POMT1: variants seen among roughly 807,000 people sequenced by gnomAD.
POMT1 encodes protein O-mannosyl-transferase 1.
POMT1 carries 85 observed loss-of-function variants against 101.6 expected under a neutral mutation model. The ratio of observed to expected loss-of-function variants is 0.84; its 90% confidence interval spans 0.70 to 1.00. The LOEUF (loss-of-function observed/expected upper bound fraction) is 1.00, where lower values mean the gene tolerates loss of function less well. Among genes scored for constraint, POMT1 ranks in the 50% least tolerant of loss-of-function variants. The pLI is 0.00. For synonymous variants in POMT1, 371 were observed against 383.0 expected (o/e 0.97, Z 0.37); for missense variants, 857 against 930.4 (o/e 0.92, Z 1.03).
chr9:131,519,974 G>T lies in POMT1; in HGVS notation c.1585-106G>T. 1.2e-6 allele frequency: 1 copy of T among 818,498 alleles called. No homozygotes were observed. 50.7% of individuals were successfully genotyped at this position (818,498 alleles called of 1,614,324 possible). A position where few individuals can be genotyped will look rare whatever the true frequency, so the allele number is the denominator to read the frequency against. On this transcript the variant is annotated intron_variant, in intron 16 of 19. Transcript: ENST00000402686. This position sits in a 1 kb window ranked among gnomAD's most constrained non-coding sequence, Gnocchi z 4.3. ...TGCATGATCCGAATGAACTTGAGCT[G>T]GGCCAGTCCACGTGCAAGGGGCAGC...
At chr9:131,512,692 A>G (rs1195956041) in intron 11 of POMT1, among the ~76,000 whole-genome samples, 3 of 151,678 alleles carry the variant, frequency 2.0e-5, no homozygotes, top group East Asian at 1.9e-4. Context: ...GCTCACTGCA[A>G]CCTCCGCTTC....
intron 5 of POMT1, 70 bp downstream of exon 5, chr9:131,507,584 A>C: frequency 6.2e-7 from 1 of 1,603,008 alleles, no homozygotes; most frequent in South Asian, 1.1e-5. Context: ...CCGGAAGATC[A>C]CATGGGCTTG....
At chr9:131,504,785 G>GTGTA (rs1945401002) in intron 2 of POMT1, among the ~76,000 whole-genome samples, 5 of 151,110 alleles carry the variant, frequency 3.3e-5, no homozygotes, top group Non-Finnish European at 5.9e-5. Context: ...GTGTGTGTGT[G>GTGTA]TGTGTGTTTT....
Position 131,510,321 on chromosome 9 carries a change from T to C in POMT1, c.761T>C (p.Leu254Pro). The C allele has an allele frequency of 1.2e-6, 2 of 1,614,240 alleles. No individual in the cohort carries two copies. Among genetic ancestry groups the C allele is most frequent in the Non-Finnish European group, 1.7e-6 (2 of 1,180,032 alleles). Residue 254 changes from leucine to proline, a missense_variant, in exon 9 of 20, where the codon CTG (leucine) becomes CCG (proline). Coordinates refer to ENST00000402686, the MANE Select transcript of POMT1 (RefSeq NM_001077365.2). ...AVALLVIPVV[L>P]YLLFFYVHLI... ...GCTTTGCTGGTCATCCCGGTCGTCC[T>C]GTACTTACTGTTCTTCTACGTCCAC...
At chr9:131,513,377 T>G (rs1021494409) in intron 12 of POMT1, 46 bp downstream of exon 12, 25 of 1,550,508 alleles carry the variant, frequency 1.6e-5, no homozygotes, top group Non-Finnish European at 2.2e-5. Context: ...GGGTTTCCTC[T>G]GTGGTTCTCT....
At chr9:131,513,441 C>A in intron 12 of POMT1, 110 bp downstream of exon 12, 1 of 984,546 alleles carries the variant, frequency 1.0e-6, no homozygotes, top group Non-Finnish European at 1.6e-6. Context: ...GTCTACCCAT[C>A]ATCTGCATGT....
intron 13 of POMT1, among the ~76,000 whole-genome samples, chr9:131,516,266 TTCCTCACACGGAACACC>T (rs1948570537): frequency 7.2e-6 from 1 of 137,974 alleles, no homozygotes; most frequent in South Asian, 2.2e-4. Context: ...CACGGAACAC[TTCCTCACACGGAACACC>T]TCCTCACACG....
intron 18 of POMT1, 69 bp downstream of exon 18, chr9:131,521,541 G>A: frequency 6.4e-7 from 1 of 1,566,012 alleles, no homozygotes; most frequent in Non-Finnish European, 8.8e-7. Flanking sequence ...TGTTGTCCAG[G>A]GTGTTCTTGA....
rs1945089800 is a variant in POMT1, at chr9:131,503,701, C to T, written c.-30-488C>T. On this transcript the variant is annotated intron_variant, in intron 1 of 19. Transcript: ENST00000402686. The surrounding 1 kb of genome is among the most constrained non-coding windows in gnomAD (Gnocchi z 4.4). ...AAGGGAGCACCCGGGGATGATGTGC[C>T]GCTGGGATAGAAGGCAGGGAGGCAC... Among the ~76,000 whole-genome samples the T allele has an allele frequency of 2.0e-5, 3 of 152,110 alleles. No homozygotes were observed. The highest frequency in any genetic ancestry group is 7.2e-5 in the African/African-American group (3 of 41,418).
At position 131,518,550 on chromosome 9, in the gene POMT1, TCCGTGGCTTGGCCTGTCCTGAGCTGTGG is replaced by T; in HGVS notation, c.1365+14_1365+41del. ...CGCTGTCTTAAAGGTAAGGACACTG[TCCGTGGCTTGGCCTGTCCTGAGCTGTGG>T]GCTCCAGTCTGTTTCCCAAGCCCCT... On this transcript the variant is annotated intron_variant, in intron 14 of 19. Coordinates refer to ENST00000402686, the MANE Select transcript of POMT1 (RefSeq NM_001077365.2). 2.5e-6 allele frequency: 4 copies of T among 1,610,062 alleles called. No individual in the cohort carries two copies. The highest frequency in any genetic ancestry group is 3.4e-6 in the Non-Finnish European group (4 of 1,176,620).
In POMT1 at chr9:131,520,352, A is replaced by G. The variant is rs540917228; in HGVS notation, c.1698+159A>G. On this transcript the variant is annotated intron_variant, in intron 17 of 19. Coordinates refer to ENST00000402686, the MANE Select transcript of POMT1 (RefSeq NM_001077365.2). ...CTTGGTTTTCTCTAAACGCTTTGGC[A>G]ACCTGGAGCCAGGAGTAGGGGTGTG... Among the ~76,000 whole-genome samples, 3 of 152,352 alleles carry G rather than the reference A, an allele frequency of 2.0e-5. No homozygotes were observed. In the East Asian group the frequency reaches 5.8e-4, roughly 29 times the overall value.
intron 9 of POMT1, chr9:131,510,793 A>G (rs1186019254): frequency 2.9e-6 from 1 of 346,192 alleles, no homozygotes; most frequent in Non-Finnish European, 5.6e-6. Flanking sequence ...GGCGTGAGCC[A>G]CCGCGCCTGG....
chr9:131,513,026 G>A (rs1314703080), intron 11 of POMT1, among the ~76,000 whole-genome samples: 3 of 152,226 alleles, frequency 2.0e-5, no homozygotes, highest in Admixed American at 6.5e-5. Flanking sequence ...TGTGATGACC[G>A]CGGGTAGAAT....
At chr9:131,520,049 C>G in intron 16 of POMT1, 31 bp from the exon 17 acceptor site, 1 of 1,582,118 alleles carries the variant, frequency 6.3e-7, no homozygotes, top group Non-Finnish European at 8.7e-7. Flanking sequence ...ATCCCCCATC[C>G]TCAATCTCAG....
chr9:131,507,171 G>A (rs1160520033), intron 4 of POMT1, among the ~76,000 whole-genome samples, 197 bp from the exon 5 acceptor site: 1 of 152,162 alleles, frequency 6.6e-6, no homozygotes, highest in Non-Finnish European at 1.5e-5. Context: ...ATGAGATCGG[G>A]TTCCATGACT....
rs753231001 is a variant in POMT1 at position 131,509,919 on chromosome 9, G to T, written c.622G>T (p.Val208Leu). ...SCAVGIKYMG[V>L]FTYVLVLGVA... is the part of the protein sequence containing the mutation. ...TCTTTGCAGCATCAAGTACATGGGT[G>T]TGTTCACGTACGTGCTCGTGCTGGG... is the stretch of plus-strand genomic sequence containing the variant. The change falls in exon 8 of 20, where the codon GTG becomes TTG. Residue 208 changes from valine (V) to leucine (L), a missense_variant. Val to Leu is a conservative substitution (Grantham distance 32). Transcript: ENST00000402686. The T allele has an allele frequency of 1.2e-6, 2 of 1,614,100 alleles. No homozygotes were observed. Among genetic ancestry groups the T allele is most frequent in the African/African-American group, 2.7e-5 (2 of 74,934 alleles).
rs550676480 is a variant in POMT1, at chr9:131,522,346, G to A, written c.2003+122G>A. 7 of 1,517,642 alleles carry A rather than the reference G, an allele frequency of 4.6e-6. No homozygotes were observed. Among genetic ancestry groups the A allele is most frequent in the Middle Eastern group, 1.8e-4 (1 of 5,542 alleles). The allele number at this position is 1,517,642 out of a possible 1,614,324, so 94.0% of individuals were successfully genotyped here. On this transcript the variant is annotated intron_variant, in intron 19 of 19. Transcript: ENST00000402686. The surrounding 1 kb of genome is among the most constrained non-coding windows in gnomAD (Gnocchi z 5.5). ...ATTTCACGTTACACTGACATCCTCCGGGTCCCTCCGGGGAATGGGTGAGGT... is the reference window on the plus strand; with the variant it reads ...ATTTCACGTTACACTGACATCCTCCAGGTCCCTCCGGGGAATGGGTGAGGT...
At chr9:131,510,104 A>G in intron 8 of POMT1, 108 bp downstream of exon 8, 1 of 1,613,790 alleles carries the variant, frequency 6.2e-7, no homozygotes, top group Non-Finnish European at 8.5e-7. Flanking sequence ...TTTTAGAAGC[A>G]GGCAGGCCTG....
At chr9:131,506,080 T>C (rs757386038) in intron 2 of POMT1, 34 bp from the exon 3 acceptor site, 2 of 1,611,886 alleles carry the variant, frequency 1.2e-6, no homozygotes, top group Non-Finnish European at 1.7e-6. Context: ...AGATTCTAAT[T>C]GAATATAATA....
Sources: gnomAD v4.1 joint callset for allele counts (sites outside exome capture counted in the v4.1 genomes callset) on GRCh38, gnomAD v4.1.1 for gene constraint, Gnocchi (gnomAD v3.1) non-coding constraint, MANE v1.5 for transcripts, NCBI Gene and HGNC (gene_info 2026-07-23, HGNC 2026-07-21) for gene names.